Variants in STK32B observed in about 807,000 individuals in gnomAD.
The protein encoded by STK32B is serine/threonine-protein kinase 32B.
Under a neutral mutation model 52.6 loss-of-function variants are expected in STK32B, and 43 were observed. The ratio of observed to expected loss-of-function variants is 0.82; its 90% confidence interval spans 0.64 to 1.05. The LOEUF is 1.05. Ranked by LOEUF, STK32B falls within the 50% of genes least tolerant of loss-of-function variation. The probability of loss-of-function intolerance (pLI) is 0.00; values close to 1 mark genes in which losing one functional copy is unlikely to be tolerated. For missense variants in STK32B, 621 were observed against 534.6 expected, an observed-to-expected ratio of 1.16 and a Z score of -1.59; for synonymous variants, 238 against 204.3, an observed-to-expected ratio of 1.17 and a Z score of -1.41.
At chr4:5,176,324 G>C (rs961230484) in intron 3 of STK32B, among the ~76,000 whole-genome samples, 28 of 152,010 alleles carry the variant, frequency 1.8e-4, no homozygotes, top group Non-Finnish European at 4.0e-4. Flanking sequence ...CCACTGTCCG[G>C]CACTCCCCAG....
At chr4:5,123,923 T>A (rs532835430) in intron 1 of STK32B, among the ~76,000 whole-genome samples, 1 of 152,160 alleles carries the variant, frequency 6.6e-6, no homozygotes, top group Non-Finnish European at 1.5e-5. Context: ...CTCCTGCCTT[T>A]TATTGATCAC....
rs1577204578 is a variant in STK32B at position 5,217,414 on chromosome 4, A to G, written c.260+48964A>G. 4.6e-5 allele frequency among the ~76,000 whole-genome samples: 7 copies of G among 152,326 alleles called. No individual in the cohort carries two copies. In the South Asian group the frequency reaches 1.5e-3, roughly 32 times the overall value. On this transcript the variant is annotated intron_variant, in intron 3 of 11. Transcript: ENST00000282908. ...GGTGGGGGAGGATGCATTAAAAATG[A>G]CATTGACCACAGATTTTGCTGTTAT...
chr4:5,062,861 T>C (rs1270166415), intron 1 of STK32B, among the ~76,000 whole-genome samples: 1 of 152,228 alleles, frequency 6.6e-6, no homozygotes, highest in Non-Finnish European at 1.5e-5. Context: ...TATGTGTTTT[T>C]GTATAATTTG....
At chr4:5,491,920 T>C (rs1719767232) in intron 11 of STK32B, among the ~76,000 whole-genome samples, 1 of 152,302 alleles carries the variant, frequency 6.6e-6, no homozygotes, top group Non-Finnish European at 1.5e-5. Flanking sequence ...AGGGCTCTGT[T>C]GTGTTCCATT....
intron 11 of STK32B, among the ~76,000 whole-genome samples, chr4:5,483,542 C>T (rs1718897518): frequency 6.6e-6 from 1 of 152,158 alleles, no homozygotes; most frequent in Non-Finnish European, 1.5e-5. Context: ...AAACCAGCTC[C>T]TGGATTCATT....
chr4:5,164,838 C>G (rs954950864), intron 2 of STK32B, among the ~76,000 whole-genome samples: 8 of 152,216 alleles, frequency 5.3e-5, no homozygotes, highest in African/African-American at 2.4e-5. Context: ...TGGAGACCCA[C>G]TTGTCTCCAC....
chr4:5,316,365 TTA>T (rs1481425381), intron 3 of STK32B, among the ~76,000 whole-genome samples: 3 of 35,438 alleles, frequency 8.5e-5, no homozygotes, highest in Non-Finnish European at 7.5e-5. Flanking sequence ...ATTATATATA[TTA>T]TATATATTAA....
chr4:5,368,248 G>A (rs1735002273), intron 4 of STK32B, among the ~76,000 whole-genome samples: 2 of 152,076 alleles, frequency 1.3e-5, no homozygotes, highest in Non-Finnish European at 2.9e-5. Flanking sequence ...TTTGCTTTCA[G>A]TAACTCACTA....
At chr4:5,134,111 G>A (rs1715928502) in intron 1 of STK32B, among the ~76,000 whole-genome samples, 1 of 152,204 alleles carries the variant, frequency 6.6e-6, no homozygotes, top group Non-Finnish European at 1.5e-5. Context: ...AAACAGAGAT[G>A]CATAAACTGG....
intron 4 of STK32B, among the ~76,000 whole-genome samples, chr4:5,339,783 T>G (rs1273770199): frequency 6.6e-6 from 1 of 152,196 alleles, no homozygotes; most frequent in Admixed American, 6.5e-5. Context: ...ATGCTCCTGA[T>G]TAAACCTACT....
chr4:5,282,360 A>G (rs1018735646), intron 3 of STK32B, among the ~76,000 whole-genome samples: 1 of 152,140 alleles, frequency 6.6e-6, no homozygotes, highest in Non-Finnish European at 1.5e-5. Context: ...TTCCATATCT[A>G]TGGGTTCTGC....
intron 6 of STK32B, among the ~76,000 whole-genome samples, chr4:5,446,361 T>G (rs1210216958): frequency 6.6e-6 from 1 of 151,858 alleles, no homozygotes; most frequent in Middle Eastern, 3.2e-3. Context: ...AGGCCAAGAG[T>G]TCGAGACCAG....
At chr4:5,153,008 G>A (rs1236329884) in intron 2 of STK32B, among the ~76,000 whole-genome samples, 1 of 152,174 alleles carries the variant, frequency 6.6e-6, no homozygotes, top group Non-Finnish European at 1.5e-5. Flanking sequence ...CCAGTATGAT[G>A]GATGTTATTA....
intron 2 of STK32B, among the ~76,000 whole-genome samples, chr4:5,166,192 C>T (rs530647055): frequency 2.1e-4 from 32 of 152,000 alleles, no homozygotes; most frequent in Non-Finnish European, 3.5e-4. Context: ...GGTCCTCAAG[C>T]CAACAGCGTT....
At chr4:5,230,799 G>T (rs145170635) in intron 3 of STK32B, among the ~76,000 whole-genome samples, 1 of 152,186 alleles carries the variant, frequency 6.6e-6, no homozygotes, top group African/African-American at 2.4e-5. Flanking sequence ...TTACAGAGGG[G>T]AGATGAATCC....
the STK32B span, among the ~76,000 whole-genome samples, chr4:5,024,389 A>T: frequency 1.4e-4 from 22 of 152,310 alleles, 1 homozygote; most frequent in Admixed American, 1.1e-3. Context: ...CACTTCCTGA[A>T]AGCCTACCCT....
chr4:5,313,919 G>T (rs1347922670), intron 3 of STK32B, among the ~76,000 whole-genome samples: 1 of 152,084 alleles, frequency 6.6e-6, no homozygotes, highest in Non-Finnish European at 1.5e-5. Flanking sequence ...ATAAAATGCT[G>T]ATTACAGAAA....
chr4:5,299,828 C>T lies in STK32B; in HGVS notation c.261-31392C>T, dbSNP rs573920144. Among the ~76,000 whole-genome samples the T allele has an allele frequency of 1.6e-4, 24 of 152,176 alleles. 1 individual carries two copies. In the South Asian group the frequency reaches 4.4e-3, roughly 28 times the overall value. ...CCTGTCAACCAAAAAGAGCCCTGGA[C>T]CAGATGGATTAACAGCCAAATTCTA... On this transcript the variant is annotated intron_variant, in intron 3 of 11. Coordinates refer to ENST00000282908, the MANE Select transcript of STK32B (RefSeq NM_018401.3).
At chr4:5,411,173 C>T (rs1380497319) in intron 5 of STK32B, among the ~76,000 whole-genome samples, 4 of 152,064 alleles carry the variant, frequency 2.6e-5, no homozygotes, top group Non-Finnish European at 5.9e-5. Flanking sequence ...GTAACTGGGA[C>T]TACAGGTGCC....
Sources: gnomAD v4.1 joint callset for allele counts (sites outside exome capture counted in the v4.1 genomes callset) on GRCh38, gnomAD v4.1.1 for gene constraint, MANE v1.5 for transcripts, NCBI Gene and HGNC (gene_info 2026-07-23, HGNC 2026-07-21) for gene names.